NALF1: variants seen among roughly 807,000 people sequenced by gnomAD.
NALF1 encodes family with sequence similarity 155 member A.
A neutral mutation model predicts 48.4 loss-of-function variants in NALF1; 3 were observed. That is an observed-to-expected ratio of 0.06 (90% confidence interval 0.03 to 0.16). The LOEUF (loss-of-function observed/expected upper bound fraction) is 0.16. Ranked by LOEUF, NALF1 falls within the 10% of genes least tolerant of loss-of-function variation. The probability of loss-of-function intolerance (pLI) is 1.00; values close to 1 mark genes in which losing one functional copy is unlikely to be tolerated. For synonymous variants in NALF1, 262 were observed against 245.7 expected (o/e 1.07, Z -0.62); for missense variants, 526 against 571.5 (o/e 0.92, Z 0.81).
chr13:107,399,457 C>T (rs998147854), intron 1 of NALF1, among the ~76,000 whole-genome samples: 1 of 151,458 alleles, frequency 6.6e-6, no homozygotes, highest in African/African-American at 2.4e-5. Context: ...CATTCACGTA[C>T]ACACACACAC....
chr13:107,473,237 G>A (rs1331940328), intron 1 of NALF1, among the ~76,000 whole-genome samples: 4 of 151,490 alleles, frequency 2.6e-5, no homozygotes, highest in Admixed American at 6.6e-5. Flanking sequence ...ATTCTTCAGC[G>A]CCAGGGTCCT....
intron 1 of NALF1, among the ~76,000 whole-genome samples, chr13:107,612,359 A>G (rs1279199423): frequency 6.6e-6 from 1 of 152,104 alleles, no homozygotes; most frequent in Non-Finnish European, 1.5e-5. Flanking sequence ...AACTATGTGC[A>G]TATAGTTACC....
At chr13:107,703,939 G>A (rs1220251213) in intron 1 of NALF1, among the ~76,000 whole-genome samples, 2 of 152,042 alleles carry the variant, frequency 1.3e-5, no homozygotes, top group African/African-American at 2.4e-5. Context: ...ATTTTACATG[G>A]CCAAAAGGTT....
At chr13:107,547,199 G>A (rs1460469917) in intron 1 of NALF1, among the ~76,000 whole-genome samples, 1 of 152,100 alleles carries the variant, frequency 6.6e-6, no homozygotes, top group Non-Finnish European at 1.5e-5. Flanking sequence ...TCAGAAGAGT[G>A]CCTCATATGT....
chr13:107,713,709 A>G (rs368851484), intron 1 of NALF1, among the ~76,000 whole-genome samples: 1 of 152,212 alleles, frequency 6.6e-6, no homozygotes, highest in South Asian at 2.1e-4. Flanking sequence ...GAATGATAAA[A>G]TGGAGCTGAA....
At chr13:107,395,856 C>T (rs750353194) in intron 1 of NALF1, among the ~76,000 whole-genome samples, 17 of 151,844 alleles carry the variant, frequency 1.1e-4, no homozygotes, top group South Asian at 4.2e-4. Context: ...ATAAGGTTGC[C>T]GATCATATTG....
intron 2 of NALF1, among the ~76,000 whole-genome samples, chr13:107,207,009 G>T (rs1566450983): frequency 1.3e-5 from 2 of 152,138 alleles, no homozygotes; most frequent in African/African-American, 2.4e-5. Context: ...TTCTTAGTGA[G>T]AAATGATTGC....
At chr13:107,802,567 A>G (rs992321852) in intron 1 of NALF1, among the ~76,000 whole-genome samples, 2 of 151,970 alleles carry the variant, frequency 1.3e-5, no homozygotes, top group African/African-American at 2.4e-5. Context: ...TTTTCCATCA[A>G]TCATTTAAAA....
chr13:107,849,870 G>A (rs1473465469), intron 1 of NALF1, among the ~76,000 whole-genome samples: 12 of 152,038 alleles, frequency 7.9e-5, no homozygotes, highest in African/African-American at 4.8e-5. Context: ...AATCTAACAG[G>A]AGAAACAAAG....
At chr13:107,365,976 C>T (rs892319840) in intron 1 of NALF1, among the ~76,000 whole-genome samples, 1 of 152,178 alleles carries the variant, frequency 6.6e-6, no homozygotes, top group African/African-American at 2.4e-5. Context: ...CAAAGCCTCT[C>T]GTGGGCTCTG....
intron 1 of NALF1, among the ~76,000 whole-genome samples, chr13:107,639,569 G>A (rs1436997287): frequency 1.3e-5 from 2 of 152,230 alleles, no homozygotes; most frequent in East Asian, 3.9e-4. Context: ...CACGCCCTGT[G>A]CCCTGATTGC....
chr13:107,470,354 G>A (rs765522644), intron 1 of NALF1, among the ~76,000 whole-genome samples: 1 of 152,124 alleles, frequency 6.6e-6, no homozygotes, highest in Non-Finnish European at 1.5e-5. Flanking sequence ...TTATCTTTCA[G>A]GCAGAACATA....
In NALF1 at chr13:107,311,324, A is replaced by G. The variant is rs534331703; in HGVS notation, c.916-100569T>C. On this transcript the variant is annotated intron_variant, in intron 1 of 2. Transcript: ENST00000375915. Reference sequence around the variant, plus strand: ...AAGTTTAAACTACCATTAAAACTGTATGTCAATTCTAGAGCTATCTAAAAA... The same window carrying G: ...AAGTTTAAACTACCATTAAAACTGTGTGTCAATTCTAGAGCTATCTAAAAA... Among the ~76,000 whole-genome samples, 392 of 152,294 alleles carry G rather than the reference A, an allele frequency of 2.6e-3. 1 individual carries two copies. Among genetic ancestry groups the G allele is most frequent in the African/African-American group, 8.8e-3 (366 of 41,568 alleles).
At chr13:107,669,828 T>C (rs1880950217) in intron 1 of NALF1, among the ~76,000 whole-genome samples, 1 of 152,096 alleles carries the variant, frequency 6.6e-6, no homozygotes, top group Admixed American at 6.6e-5. Context: ...CCTAGAGTCC[T>C]ATTTCAGCAT....
At chr13:107,350,498 A>T (rs1445165886) in intron 1 of NALF1, among the ~76,000 whole-genome samples, 2 of 152,234 alleles carry the variant, frequency 1.3e-5, no homozygotes, top group African/African-American at 4.8e-5. Flanking sequence ...AACTTAAAAC[A>T]ATCAGTGAAG....
intron 1 of NALF1, among the ~76,000 whole-genome samples, chr13:107,718,617 G>A (rs1051743081): frequency 6.6e-6 from 1 of 152,200 alleles, no homozygotes; most frequent in Non-Finnish European, 1.5e-5. Flanking sequence ...AGAGTTGTGT[G>A]AAACTGGTGA....
At chr13:107,854,733 G>A (rs1019283334) in intron 1 of NALF1, among the ~76,000 whole-genome samples, 5 of 152,128 alleles carry the variant, frequency 3.3e-5, no homozygotes, top group African/African-American at 7.2e-5. Flanking sequence ...AATTAGCCAC[G>A]CACGGTGGTG....
chr13:107,321,001 A>G, intron 1 of NALF1: 1 of 156,262 alleles, frequency 6.4e-6, no homozygotes, highest in East Asian at 1.7e-4. Flanking sequence ...CATTTATAAA[A>G]AAGAATTTAT....
intron 1 of NALF1, among the ~76,000 whole-genome samples, chr13:107,805,473 G>A (rs1279801654): frequency 1.3e-5 from 2 of 152,030 alleles, no homozygotes; most frequent in Admixed American, 1.3e-4. Context: ...CTTAATAATT[G>A]GAAAATAAAC....
Sources: gnomAD v4.1 joint callset for allele counts (sites outside exome capture counted in the v4.1 genomes callset) on GRCh38, gnomAD v4.1.1 for gene constraint, MANE v1.5 for transcripts, NCBI Gene and HGNC (gene_info 2026-07-23, HGNC 2026-07-21) for gene names.